UNC5D: variants seen among roughly 807,000 people sequenced by gnomAD.
The protein encoded by UNC5D is unc-5 netrin receptor D.
In UNC5D, 39 loss-of-function variants were observed where a neutral mutation model predicts 105.4. The ratio of observed to expected loss-of-function variants is 0.37; its 90% CI spans 0.29 to 0.48. The LOEUF (loss-of-function observed/expected upper bound fraction) is 0.48, where lower values mean the gene tolerates loss of function less well. Among genes scored for constraint, UNC5D ranks in the 20% least tolerant of loss-of-function variants. UNC5D has a pLI of 0.98. For synonymous variants in UNC5D, 452 were observed against 450.4 expected, an observed-to-expected ratio of 1.00 and a Z score of -0.04; for missense variants, 991 against 1,202.4, an observed-to-expected ratio of 0.82 and a Z score of 2.60.
chr8:35,682,293 G>A (rs1825720920), intron 4 of UNC5D, among the ~76,000 whole-genome samples: 1 of 152,152 alleles, frequency 6.6e-6, no homozygotes, highest in Non-Finnish European at 1.5e-5. Flanking sequence ...TGATAAATTA[G>A]CATTCTTTAG....
Position 35,791,521 on chromosome 8 carries a change from T to C in UNC5D, c.*958T>C, listed in dbSNP as rs1388552351. The C allele has an allele frequency of 6.6e-6, 1 of 152,018 alleles. No homozygotes were observed. The highest frequency in any genetic ancestry group is 2.4e-5 in the African/African-American group (1 of 41,418). 9.4% of individuals were successfully genotyped at this position (152,018 alleles called of 1,614,324 possible). A position where few individuals can be genotyped will look rare whatever the true frequency, so the allele number is the denominator to read the frequency against. On this transcript the variant is annotated 3_prime_UTR_variant, in exon 17 of 17. Transcript: ENST00000404895. ...CACGTGTTGATCTAGTTATCTAACATTGTTGTTATAAGAAAATGAGTTTAC... is the reference window on the plus strand; with the variant it reads ...CACGTGTTGATCTAGTTATCTAACACTGTTGTTATAAGAAAATGAGTTTAC...
chr8:35,504,518 C>T (rs1812185085), intron 1 of UNC5D, among the ~76,000 whole-genome samples: 1 of 152,090 alleles, frequency 6.6e-6, no homozygotes, highest in South Asian at 2.1e-4. Context: ...GTGAGGAATG[C>T]ATTGTAAAAG....
chr8:35,618,398 A>G (rs1469143987), intron 4 of UNC5D, among the ~76,000 whole-genome samples: 1 of 152,242 alleles, frequency 6.6e-6, no homozygotes, highest in Non-Finnish European at 1.5e-5. Flanking sequence ...CTAATAGGCA[A>G]TGTGAATTGG....
chr8:35,688,146 A>C (rs919385727), intron 7 of UNC5D, among the ~76,000 whole-genome samples: 1 of 144,684 alleles, frequency 6.9e-6, no homozygotes, highest in Non-Finnish European at 1.5e-5. Flanking sequence ...ACAAAAAAAA[A>C]CAAAACAACA....
intron 1 of UNC5D, among the ~76,000 whole-genome samples, chr8:35,271,707 A>G (rs28521521): frequency 1.4e-4 from 9 of 65,402 alleles, no homozygotes; most frequent in African/African-American, 3.9e-4. Context: ...ATGTATACAT[A>G]TATATTTATA....
chr8:35,753,636 G>A lies in UNC5D; in HGVS notation c.2163+2827G>A, dbSNP rs1450513566. Among the ~76,000 whole-genome samples the A allele has an allele frequency of 3.3e-5, 5 of 152,110 alleles. No individual in the cohort carries two copies. In the East Asian group the frequency reaches 9.6e-4, roughly 29 times the overall value. On this transcript the variant is annotated intron_variant, in intron 13 of 16. Transcript: ENST00000404895. The stretch of plus-strand genomic sequence containing the variant: ...GGTAGAAATACCTTTGACCCCATTT[G>A]TCCTAATCTTTTTACCTCCAGTGAT...
chr8:35,593,883 C>A (rs1193497072), intron 3 of UNC5D, among the ~76,000 whole-genome samples: 2 of 152,194 alleles, frequency 1.3e-5, no homozygotes, highest in Admixed American at 6.6e-5. Flanking sequence ...ATAACCAAGT[C>A]ATATGGAGGA....
At position 35,384,361 on chromosome 8, in the gene UNC5D, C is replaced by T. The variant is rs140484437; in HGVS notation, c.103+148474C>T. ...TGTGTATGTGATTTGACACATGGTA[C>T]GTACTATAAATATGGGTGCACTCAC... On this transcript the variant is annotated intron_variant, in intron 1 of 16. Coordinates refer to ENST00000404895, the MANE Select transcript of UNC5D (RefSeq NM_080872.4). Among the ~76,000 whole-genome samples, 5 of 152,210 alleles carry T rather than the reference C, an allele frequency of 3.3e-5. No individual in the cohort carries two copies. In the Middle Eastern group the frequency reaches 0.014, roughly 414 times the overall value.
chr8:35,286,950 A>G (rs1214549244), intron 1 of UNC5D, among the ~76,000 whole-genome samples: 1 of 152,174 alleles, frequency 6.6e-6, no homozygotes, highest in Admixed American at 6.5e-5. Flanking sequence ...GCAGAGTCCA[A>G]TCAGCAGCCT....
At chr8:35,627,805 G>A (rs1222896663) in intron 4 of UNC5D, among the ~76,000 whole-genome samples, 2 of 152,162 alleles carry the variant, frequency 1.3e-5, no homozygotes, top group Non-Finnish European at 1.5e-5. Context: ...GGCACACACC[G>A]AGTCCCAGCT....
chr8:35,744,580 A>G (rs906566471), intron 11 of UNC5D, among the ~76,000 whole-genome samples: 14 of 152,122 alleles, frequency 9.2e-5, no homozygotes, highest in African/African-American at 3.4e-4. Flanking sequence ...GTATGACTCA[A>G]TGGGTTATAA....
At chr8:35,568,350 G>T in intron 3 of UNC5D, 109 bp downstream of exon 3, 2 of 1,421,618 alleles carry the variant, frequency 1.4e-6, no homozygotes, top group Non-Finnish European at 1.9e-6. Context: ...GTAAATGAGA[G>T]GTCTTAAATT....
intron 1 of UNC5D, among the ~76,000 whole-genome samples, chr8:35,428,557 C>G (rs992339980): frequency 6.6e-6 from 1 of 151,890 alleles, no homozygotes; most frequent in Non-Finnish European, 1.5e-5. Flanking sequence ...TGAAGACACA[C>G]TTTTCTTCTG....
At position 35,617,372 on chromosome 8, in the gene UNC5D, A is replaced by G. The variant is rs370274648; in HGVS notation, c.570+21715A>G. Among the ~76,000 whole-genome samples the G allele has an allele frequency of 3.9e-5, 6 of 152,336 alleles. No homozygotes were observed. In the East Asian group the frequency reaches 1.2e-3, roughly 29 times the overall value. On this transcript the variant is annotated intron_variant, in intron 4 of 16. Coordinates refer to ENST00000404895, the MANE Select transcript of UNC5D (RefSeq NM_080872.4). Reference sequence around the variant, plus strand: ...GCATGACCATTTTTTCTTCACAGGTAGAGACCTGCAGAATGAGCACCTGCC... The same window carrying G: ...GCATGACCATTTTTTCTTCACAGGTGGAGACCTGCAGAATGAGCACCTGCC...
At chr8:35,354,859 A>T (rs936548311) in intron 1 of UNC5D, among the ~76,000 whole-genome samples, 1 of 152,138 alleles carries the variant, frequency 6.6e-6, no homozygotes, top group Non-Finnish European at 1.5e-5. Context: ...CTTCACTCAC[A>T]TGTGCAGCAC....
At chr8:35,413,919 G>A (rs991042193) in intron 1 of UNC5D, among the ~76,000 whole-genome samples, 1 of 152,036 alleles carries the variant, frequency 6.6e-6, no homozygotes, top group African/African-American at 2.4e-5. Flanking sequence ...GTGGGTCTTA[G>A]TGCTGGTCAT....
At chr8:35,462,669 A>G (rs1053970617) in intron 1 of UNC5D, among the ~76,000 whole-genome samples, 1 of 152,190 alleles carries the variant, frequency 6.6e-6, no homozygotes, top group Non-Finnish European at 1.5e-5. Context: ...GGGATTAAAT[A>G]ACATTTTCAC....
chr8:35,348,181 T>C (rs1811938969), intron 1 of UNC5D, among the ~76,000 whole-genome samples: 1 of 151,978 alleles, frequency 6.6e-6, no homozygotes. Context: ...TATAAAAATG[T>C]ATTAAAGTAT....
chr8:35,629,557 G>A (rs140312188), intron 4 of UNC5D, among the ~76,000 whole-genome samples: 16 of 152,224 alleles, frequency 1.1e-4, no homozygotes, highest in African/African-American at 3.4e-4. Context: ...GGGTAGGAGA[G>A]GGGAGGGAGT....
Sources: gnomAD v4.1 joint callset for allele counts (sites outside exome capture counted in the v4.1 genomes callset) on GRCh38, gnomAD v4.1.1 for gene constraint, MANE v1.5 for transcripts, NCBI Gene and HGNC (gene_info 2026-07-23, HGNC 2026-07-21) for gene names.